Variants in LRP1 observed in about 807,000 individuals in gnomAD.
LRP1 encodes prolow-density lipoprotein receptor-related protein 1.
LRP1 carries 51 observed loss-of-function variants against 541.5 expected under a neutral mutation model. The ratio of observed to expected loss-of-function variants is 0.09; its 90% CI spans 0.08 to 0.12. The LOEUF (loss-of-function observed/expected upper bound fraction) is 0.12. Among genes scored for constraint, LRP1 ranks in the 10% least tolerant of loss-of-function variants. LRP1 has a pLI of 1.00. For missense variants in LRP1, 3,878 were observed against 6,376.2 expected (o/e 0.61, Z 13.34); for synonymous variants, 2,219 against 2,470.8 (o/e 0.90, Z 3.02).
At position 57,184,892 on chromosome 12, in the gene LRP1, C is replaced by T; in HGVS notation, c.6240C>T (p.Asp2080=). ...DARTDKIERI[D]LETGENREVV... is the part of the protein sequence containing the mutation. ...GGACAGACAAGATTGAACGGATCGA[C>T]CTGGAGACAGGTGAGAACCGCGAGG... Residue 2080 remains aspartate (D), a synonymous_variant, in exon 39 of 89, where the codon GAC becomes GAT. Transcript: ENST00000243077. The surrounding 1 kb of genome is among the most constrained non-coding windows in gnomAD (Gnocchi z 7.8). 6.2e-7 allele frequency: 1 copy of T among 1,614,176 alleles called. No homozygotes were observed. Among genetic ancestry groups the T allele is most frequent in the Non-Finnish European group, 8.5e-7 (1 of 1,180,026 alleles).
chr12:57,175,568 A>G lies in LRP1; in HGVS notation c.3656A>G (p.His1219Arg), dbSNP rs1323525808. Residue 1219 changes from histidine to arginine, a missense_variant, in exon 23 of 89, where the codon CAC becomes CGC. Physicochemically the swap from His to Arg is conservative, Grantham distance 29. Around this residue, in one of 13 missense-constraint regions of LRP1, gnomAD observed 320 missense variants for 547.9 expected, o/e 0.58. Transcript: ENST00000243077. Reference protein sequence around the residue: ...PLGMELGPDNHTCQIQSYCAK... With the variant: ...PLGMELGPDNRTCQIQSYCAK... ...GGCATGGAGCTGGGGCCCGACAACC[A>G]CACCTGCCAGATCCAGAGCTACTGT... 5 of 1,614,130 alleles carry G rather than the reference A, an allele frequency of 3.1e-6. No individual in the cohort carries two copies. The highest frequency in any genetic ancestry group is 4.2e-6 in the Non-Finnish European group (5 of 1,179,984).
Position 57,201,527 on chromosome 12 carries a change from A to G in LRP1, c.10376A>G (p.Gln3459Arg). ...GTGACCTGCGCCCCCAACCAGTTCCAGTGCTCCATTACCAAACGGTGCATC... is the reference window on the plus strand; with the variant it reads ...GTGACCTGCGCCCCCAACCAGTTCCGGTGCTCCATTACCAAACGGTGCATC... ...PEVTCAPNQF[Q>R]CSITKRCIPR... Residue 3459 changes from glutamine to arginine, a missense_variant, in exon 66 of 89, where the codon CAG becomes CGG. Transcript: ENST00000243077. The surrounding 1 kb of genome is among the most constrained non-coding windows in gnomAD (Gnocchi z 6.4). The G allele has an allele frequency of 6.2e-7, 1 of 1,613,926 alleles. No homozygotes were observed. Among genetic ancestry groups the G allele is most frequent in the Non-Finnish European group, 8.5e-7 (1 of 1,179,926 alleles).
rs2035327713 is a variant in LRP1, at chr12:57,143,018, G to A, written c.329-661G>A. On this transcript the variant is annotated intron_variant, in intron 3 of 88. Coordinates refer to ENST00000243077, the MANE Select transcript of LRP1 (RefSeq NM_002332.3). ...CCCACGCAAGGCCATTAACTGGGTC[G>A]CTGGTCTGGGGGGGCAACTGCTCTC... Among the ~76,000 whole-genome samples, 3 of 152,122 alleles carry A rather than the reference G, an allele frequency of 2.0e-5. No individual in the cohort carries two copies. The South Asian group carries it at 6.2e-4, about 31-fold the overall frequency.
chr12:57,161,889 C>G (rs2035741412), intron 13 of LRP1, among the ~76,000 whole-genome samples: 1 of 152,200 alleles, frequency 6.6e-6, no homozygotes, highest in South Asian at 2.1e-4. Flanking sequence ...TCACCTCTTA[C>G]TACCTACTAC....
intron 15 of LRP1, chr12:57,164,314 ACTTTCACATAAATGGAGTCG>A (rs1400701835): frequency 6.6e-6 from 1 of 152,256 alleles, no homozygotes; most frequent in East Asian, 1.9e-4. Context: ...CCTATGATTT[ACTTTCACATAAATGGAGTCG>A]TGCTGCACAT....
At position 57,195,800 on chromosome 12, in the gene LRP1, G is replaced by A. The variant is rs758228751; in HGVS notation, c.8560+20G>A. ...AGTGTGGTGAGCCTTCGGCGGTGGT[G>A]GGAGGAGGCCCTGCCCTCTGCCGGG... On this transcript the variant is annotated intron_variant, in intron 53 of 88. Coordinates refer to ENST00000243077, the MANE Select transcript of LRP1 (RefSeq NM_002332.3). 8 of 1,613,980 alleles carry A rather than the reference G, an allele frequency of 5.0e-6. No individual in the cohort carries two copies. The African/African-American group carries it at 9.3e-5, about 19-fold the overall frequency.
At chr12:57,157,627 A>G (rs2035646772) in intron 10 of LRP1, among the ~76,000 whole-genome samples, 3 of 152,266 alleles carry the variant, frequency 2.0e-5, no homozygotes, top group Admixed American at 2.0e-4. Context: ...TTAAAAATAA[A>G]TGAATAAATA....
chr12:57,134,755 A>G (rs2035119155), intron 1 of LRP1, among the ~76,000 whole-genome samples: 1 of 151,578 alleles, frequency 6.6e-6, no homozygotes, highest in Admixed American at 6.6e-5. Context: ...CCCAGGCTGG[A>G]GTGCAGTGGC....
Position 57,195,349 on chromosome 12 carries a change from G to T in LRP1, c.8387G>T (p.Gly2796Val), listed in dbSNP as rs1464231023. The T allele has an allele frequency of 1.2e-6, 2 of 1,612,064 alleles. No individual in the cohort carries two copies. The change falls in exon 52 of 89, where the codon GGT (glycine) becomes GTT (valine). Residue 2796 changes from glycine to valine, a missense_variant. Coordinates refer to ENST00000243077, the MANE Select transcript of LRP1 (RefSeq NM_002332.3). ...GTCCCCGAGCGCTGGCTCTGTGACG[G>T]TGACAAAGACTGTGCTGATGGTGCA... ...VCVPERWLCD[G>V]DKDCADGADE...
intron 34 of LRP1, among the ~76,000 whole-genome samples, chr12:57,181,898 G>A (rs1050817137): frequency 1.3e-5 from 2 of 152,120 alleles, no homozygotes; most frequent in African/African-American, 4.8e-5. Context: ...GAGCTTGCTG[G>A]GGGACAGCAT....
Position 57,173,092 on chromosome 12 carries a change from G to T in LRP1, c.3164-76G>T, listed in dbSNP as rs981001421. 2.3e-6 allele frequency: 3 copies of T among 1,282,328 alleles called. No individual in the cohort carries two copies. The African/African-American group carries it at 4.4e-5, about 19-fold the overall frequency. The allele number at this position is 1,282,328 out of a possible 1,614,324, so 79.4% of individuals were successfully genotyped here. A position where few individuals can be genotyped will look rare whatever the true frequency, so the allele number is the denominator to read the frequency against. On this transcript the variant is annotated intron_variant, in intron 20 of 88. Transcript: ENST00000243077. This position sits in a 1 kb window ranked among gnomAD's most constrained non-coding sequence, Gnocchi z 4.7. ...ATATCCCCAGGCTGGGCTTACCGGG[G>T]TGGCAGGGCACAGGGATGAGGAGGG...
Position 57,211,499 on chromosome 12 carries a change from C to T in LRP1, c.13104C>T (p.Gly4368=), listed in dbSNP as rs1169293451. 3 of 1,613,738 alleles carry T rather than the reference C, an allele frequency of 1.9e-6. No individual in the cohort carries two copies. Among genetic ancestry groups the T allele is most frequent in the Non-Finnish European group, 1.7e-6 (2 of 1,180,018 alleles). The change falls in exon 85 of 89, where the codon GGC becomes GGT. Residue 4368 remains glycine, a synonymous_variant. Coordinates refer to ENST00000243077, the MANE Select transcript of LRP1 (RefSeq NM_002332.3). This position sits in a 1 kb window ranked among gnomAD's most constrained non-coding sequence, Gnocchi z 4.3. The stretch of plus-strand genomic sequence containing the variant: ...TTCCTTCCTGCAGCTGCACGGATGG[C>T]CGGGTGGCCCCCAGCTGTCTGACCT... ...SGDVTCNCTD[G]RVAPSCLTCV... is the part of the protein sequence containing the mutation.
At chr12:57,137,667 A>G (rs10876965) in intron 1 of LRP1, among the ~76,000 whole-genome samples, 47,147 of 151,868 alleles carry the variant, frequency 0.31, 7,839 homozygotes, top group Admixed American at 0.44. Flanking sequence ...ATGGTGATGC[A>G]TGTCTGTAGT....
intron 68 of LRP1, 146 bp downstream of exon 68, chr12:57,202,683 T>C: frequency 1.6e-6 from 1 of 636,520 alleles, no homozygotes; most frequent in Non-Finnish European, 2.8e-6. Context: ...TCCCACTCCA[T>C]GTCGTGTATT....
At position 57,158,617 on chromosome 12, in the gene LRP1, C is replaced by T. The variant is rs765040892; in HGVS notation, c.1777C>T (p.Arg593Trp). ...IGRQKIDGTE[R>W]ETILKDGIHN... ...CCGCCAGAAGATTGATGGCACTGAGCGGGAGACCATCCTGAAGGACGGTAT... is the reference window on the plus strand; with the variant it reads ...CCGCCAGAAGATTGATGGCACTGAGTGGGAGACCATCCTGAAGGACGGTAT... The change falls in exon 11 of 89, where the codon CGG becomes TGG. Residue 593 changes from arginine to tryptophan, a missense_variant. Transcript: ENST00000243077. This position sits in a 1 kb window ranked among gnomAD's most constrained non-coding sequence, Gnocchi z 5.3. The T allele has an allele frequency of 1.2e-6, 2 of 1,614,054 alleles. No homozygotes were observed. The highest frequency in any genetic ancestry group is 2.2e-5 in the East Asian group (1 of 44,882).
chr12:57,178,451 C>T lies in LRP1; in HGVS notation c.4454C>T (p.Thr1485Met). 6.2e-7 allele frequency: 1 copy of T among 1,614,236 alleles called. No individual in the cohort carries two copies. The highest frequency in any genetic ancestry group is 8.5e-7 in the Non-Finnish European group (1 of 1,180,034). The change falls in exon 27 of 89, where the codon ACG becomes ATG. Residue 1485 changes from threonine (T) to methionine (M), a missense_variant. By Grantham distance (81) the Thr-to-Met change is moderately conservative (BLOSUM62 -1). Coordinates refer to ENST00000243077, the MANE Select transcript of LRP1 (RefSeq NM_002332.3). The surrounding 1 kb of genome is among the most constrained non-coding windows in gnomAD (Gnocchi z 5.8). ...TTCCTGTCGCACCCGTTTGCAGTGA[C>T]GCTGTACGGGGGGGAGGTCTACTGG... is the stretch of plus-strand genomic sequence containing the variant. ...HEFLSHPFAV[T>M]LYGGEVYWTD...
Position 57,160,886 on chromosome 12 carries a change from C to T in LRP1, c.1980-7C>T. The T allele has an allele frequency of 6.2e-7, 1 of 1,611,718 alleles. No homozygotes were observed. The highest frequency in any genetic ancestry group is 8.5e-7 in the Non-Finnish European group (1 of 1,178,580). On this transcript the variant is annotated splice_region_variant and splice_polypyrimidine_tract_variant and intron_variant, in intron 12 of 88. Transcript: ENST00000243077. ...CCCAGGTGATGCTGACCAGTCGCTG[C>T]CCACAGGTGGATGTACTGGACAGAC...
At chr12:57,194,853 C>T in intron 50 of LRP1, 132 bp from the exon 51 acceptor site, 1 of 1,179,458 alleles carries the variant, frequency 8.5e-7, no homozygotes, top group East Asian at 2.4e-5. Context: ...AGAGACTCTG[C>T]CTCTAGCTGC....
chr12:57,172,752 A>T (rs1392234920), intron 20 of LRP1, among the ~76,000 whole-genome samples: 1 of 152,140 alleles, frequency 6.6e-6, no homozygotes, highest in Admixed American at 6.5e-5. Flanking sequence ...TCTCTTCCCC[A>T]TTAGAACCTA....
Sources: allele counts gnomAD v4.1 joint callset (sites outside exome capture counted in the v4.1 genomes callset), GRCh38; gene constraint gnomAD v4.1.1; regional missense constraint gnomAD v4.1.1; non-coding constraint Gnocchi (gnomAD v3.1); transcripts MANE v1.5; gene names NCBI Gene and HGNC (gene_info 2026-07-23, HGNC 2026-07-21).